Variants in LRP1B observed in about 807,000 individuals in gnomAD.
The protein encoded by LRP1B is low-density lipoprotein receptor-related protein 1B.
LRP1B carries 217 observed loss-of-function variants against 556.6 expected under a neutral mutation model. The ratio of observed to expected loss-of-function variants is 0.39; its 90% CI spans 0.35 to 0.44. The LOEUF is 0.44. Ranked by LOEUF, LRP1B falls within the 20% of genes least tolerant of loss-of-function variation. The pLI is 1.00. For missense variants in LRP1B, 5,053 were observed against 5,620.8 expected, an observed-to-expected ratio of 0.90 and a Z score of 3.23; for synonymous variants, 2,047 against 1,865.8, an observed-to-expected ratio of 1.10 and a Z score of -2.50.
chr2:142,034,821 T>C (rs915582984), intron 1 of LRP1B, among the ~76,000 whole-genome samples: 1 of 151,772 alleles, frequency 6.6e-6, no homozygotes, highest in African/African-American at 2.4e-5. Flanking sequence ...ATAGTAACCA[T>C]AAACCTAGCA....
chr2:140,875,653 C>G (rs1320217977), intron 25 of LRP1B, among the ~76,000 whole-genome samples: 1 of 152,062 alleles, frequency 6.6e-6, no homozygotes, highest in Non-Finnish European at 1.5e-5. Flanking sequence ...GAAAGTATGT[C>G]TTTTCTGACC....
At chr2:140,472,792 A>T (rs1160734915) in intron 60 of LRP1B, among the ~76,000 whole-genome samples, 2 of 152,094 alleles carry the variant, frequency 1.3e-5, no homozygotes, top group Non-Finnish European at 2.9e-5. Context: ...CCAAGGTCTA[A>T]CTTTAAAATT....
chr2:140,622,216 T>G (rs1427212301), intron 41 of LRP1B, among the ~76,000 whole-genome samples: 1 of 152,214 alleles, frequency 6.6e-6, no homozygotes, highest in African/African-American at 2.4e-5. Context: ...CAAACTCATA[T>G]AGGTAATTAC....
chr2:140,290,442 G>A (rs1234440334), intron 84 of LRP1B, among the ~76,000 whole-genome samples: 1 of 152,078 alleles, frequency 6.6e-6, no homozygotes, highest in Non-Finnish European at 1.5e-5. Context: ...GAGGAAAAGA[G>A]TTGGGAGAAA....
At chr2:141,331,699 T>TA (rs1329773659) in intron 3 of LRP1B, among the ~76,000 whole-genome samples, 1 of 152,042 alleles carries the variant, frequency 6.6e-6, no homozygotes, top group Non-Finnish European at 1.5e-5. Context: ...CCAGGGAGGA[T>TA]AGGGAGCATT....
chr2:141,768,747 A>G (rs964564847), intron 2 of LRP1B, among the ~76,000 whole-genome samples: 1 of 151,744 alleles, frequency 6.6e-6, no homozygotes, highest in Non-Finnish European at 1.5e-5. Context: ...TAATTCTAAC[A>G]TTTCTAGTCT....
intron 2 of LRP1B, among the ~76,000 whole-genome samples, chr2:141,658,164 G>A (rs1173724167): frequency 6.6e-6 from 1 of 152,040 alleles, no homozygotes; most frequent in Middle Eastern, 3.2e-3. Context: ...GGGATGAGAG[G>A]AAAAGGTAAA....
chr2:141,150,869 T>TTGTGTGTGTGTG (rs56107003), intron 7 of LRP1B, among the ~76,000 whole-genome samples: 4,365 of 138,450 alleles, frequency 0.032, 123 homozygotes, highest in Middle Eastern at 0.057. Context: ...TCATGCTGGT[T>TTGTGTGTGTGTG]TGTGTGTGTG....
intron 1 of LRP1B, among the ~76,000 whole-genome samples, chr2:141,940,911 C>A (rs988440487): frequency 6.6e-6 from 1 of 152,166 alleles, no homozygotes; most frequent in African/African-American, 2.4e-5. Context: ...ACTTACCCAA[C>A]GTCACCTAGC....
chr2:141,713,952 G>C (rs1276582597), intron 2 of LRP1B, among the ~76,000 whole-genome samples: 1 of 152,156 alleles, frequency 6.6e-6, no homozygotes. Flanking sequence ...AATGTATTCA[G>C]TAATAGTGAT....
At chr2:141,413,832 T>C (rs777159733) in intron 3 of LRP1B, among the ~76,000 whole-genome samples, 6 of 151,806 alleles carry the variant, frequency 4.0e-5, no homozygotes, top group Non-Finnish European at 7.4e-5. Context: ...GAGCTGTTAT[T>C]GTGCCACTGC....
At chr2:141,770,986 A>T (rs906642) in intron 2 of LRP1B, among the ~76,000 whole-genome samples, 151,577 of 152,348 alleles carry the variant, frequency 0.99, 75,411 homozygotes, top group Middle Eastern at 1. Context: ...AAATTCTGAA[A>T]AATGGATTGA....
chr2:141,300,717 C>T (rs548194855), intron 3 of LRP1B, among the ~76,000 whole-genome samples: 1 of 152,282 alleles, frequency 6.6e-6, no homozygotes, highest in Non-Finnish European at 1.5e-5. Flanking sequence ...GACGTGCATG[C>T]TTCACCTTTG....
chr2:141,763,254 T>C (rs1472977429), intron 2 of LRP1B, among the ~76,000 whole-genome samples: 1 of 152,138 alleles, frequency 6.6e-6, no homozygotes, highest in East Asian at 1.9e-4. Context: ...CCTTTAAACC[T>C]AGTATGCCCA....
chr2:140,507,788 A>G (rs1416357977), intron 52 of LRP1B, among the ~76,000 whole-genome samples: 2 of 152,178 alleles, frequency 1.3e-5, no homozygotes, highest in Non-Finnish European at 2.9e-5. Context: ...ATAATCCGCT[A>G]TATGCTATTG....
intron 2 of LRP1B, among the ~76,000 whole-genome samples, chr2:141,510,595 T>C (rs1459573810): frequency 6.6e-6 from 1 of 152,064 alleles, no homozygotes. Flanking sequence ...GTCCTTCCCC[T>C]ATTCATGAAA....
At chr2:140,595,895 C>T (rs1390875500) in intron 43 of LRP1B, among the ~76,000 whole-genome samples, 1 of 152,110 alleles carries the variant, frequency 6.6e-6, no homozygotes, top group Non-Finnish European at 1.5e-5. Flanking sequence ...AAACTTCCAA[C>T]TTTCATTCTA....
intron 84 of LRP1B, among the ~76,000 whole-genome samples, chr2:140,297,064 A>G (rs930932648): frequency 6.6e-6 from 1 of 152,158 alleles, no homozygotes. Context: ...AGATGTGTTC[A>G]TAAGTAGCCA....
intron 7 of LRP1B, among the ~76,000 whole-genome samples, chr2:141,065,284 A>C (rs1057254920): frequency 1.3e-5 from 2 of 151,880 alleles, no homozygotes; most frequent in Non-Finnish European, 2.9e-5. Flanking sequence ...ATCTCTTAAG[A>C]AGGTTAGGAA....
Sources: allele counts gnomAD v4.1 joint callset (sites outside exome capture counted in the v4.1 genomes callset), GRCh38; gene constraint gnomAD v4.1.1; transcripts MANE v1.5; gene names NCBI Gene and HGNC (gene_info 2026-07-23, HGNC 2026-07-21).